The following NBAS variants were observed in gnomAD, a reference collection of about 807,000 sequenced individuals.
The protein encoded by NBAS is NAG/BC035112 fusion.
NBAS carries 219 observed loss-of-function variants against 302.5 expected under a neutral mutation model. The ratio of observed to expected loss-of-function variants is 0.72; its 90% CI spans 0.65 to 0.81. The LOEUF is 0.81. Ranked by LOEUF, NBAS falls within the 30% of genes least tolerant of loss-of-function variation. The pLI, the probability that NBAS is intolerant of heterozygous loss-of-function variation, is 0.00. For missense variants in NBAS, 2,932 were observed against 2,841.6 expected (o/e 1.03, Z -0.72); for synonymous variants, 1,118 against 1,021.6 (o/e 1.09, Z -1.80).
At chr2:15,496,335 T>C (rs1245239300) in intron 11 of NBAS, among the ~76,000 whole-genome samples, 1 of 152,116 alleles carries the variant, frequency 6.6e-6, no homozygotes, top group Non-Finnish European at 1.5e-5. Flanking sequence ...AGATGGAGTG[T>C]TGCAGGTGAT....
the NBAS span, among the ~76,000 whole-genome samples, chr2:14,850,777 A>C: frequency 1.3e-5 from 1 of 74,726 alleles, no homozygotes; most frequent in Non-Finnish European, 2.3e-5. Context: ...TAAGAATCTC[A>C]CTCAAAGCCG....
At chr2:15,200,906 C>CT (rs1453925501) in intron 48 of NBAS, among the ~76,000 whole-genome samples, 1 of 152,102 alleles carries the variant, frequency 6.6e-6, no homozygotes, top group East Asian at 1.9e-4. Flanking sequence ...ATGCATCTTC[C>CT]TACAGGTATT....
rs556722743 is a variant in NBAS, at chr2:15,203,496, C to A, written c.6433-13093G>T. On this transcript the variant is annotated intron_variant, in intron 48 of 51. Coordinates refer to ENST00000281513, the MANE Select transcript of NBAS (RefSeq NM_015909.4). ...TTAACTTTGATGTTAAGTTTTATTC[C>A]AGTTAGAAATTATGCAGGGAGACTT... Among the ~76,000 whole-genome samples, 4 of 152,198 alleles carry A rather than the reference C, an allele frequency of 2.6e-5. No individual in the cohort carries two copies. The East Asian group carries it at 7.7e-4, about 29-fold the overall frequency.
At chr2:15,340,741 C>A (rs73914823) in intron 35 of NBAS, among the ~76,000 whole-genome samples, 10,588 of 152,030 alleles carry the variant, frequency 0.07, 450 homozygotes, top group East Asian at 0.12. Flanking sequence ...GAGGACAAAC[C>A]AGCAAAGACA....
intron 51 of NBAS, among the ~76,000 whole-genome samples, chr2:15,172,374 T>A (rs1363223463): frequency 6.6e-6 from 1 of 152,246 alleles, no homozygotes; most frequent in Non-Finnish European, 1.5e-5. Context: ...GGATTCTCTG[T>A]ATAACTGAAA....
chr2:15,374,865 C>A (rs1674658038), intron 30 of NBAS, 145 bp from the exon 31 acceptor site: 1 of 692,372 alleles, frequency 1.4e-6, no homozygotes, highest in East Asian at 2.8e-5. Flanking sequence ...TTATCTTAAT[C>A]CTCATAGCAA....
At chr2:15,382,212 C>T (rs1446143000) in intron 29 of NBAS, among the ~76,000 whole-genome samples, 20 of 152,158 alleles carry the variant, frequency 1.3e-4, no homozygotes, top group Non-Finnish European at 2.4e-4. Flanking sequence ...CACACGCGTG[C>T]ACGCACACAC....
intron 51 of NBAS, among the ~76,000 whole-genome samples, chr2:15,172,001 T>C (rs1664318326): frequency 6.6e-6 from 1 of 152,226 alleles, no homozygotes; most frequent in African/African-American, 2.4e-5. Flanking sequence ...GTTAGGGTAA[T>C]ATGAGCAAAT....
the NBAS span, among the ~76,000 whole-genome samples, chr2:14,932,992 G>A: frequency 3.9e-5 from 6 of 152,256 alleles, no homozygotes; most frequent in East Asian, 9.6e-4. Context: ...ATTTTTTGAC[G>A]AAAGAAGGAC....
At chr2:15,332,914 A>G (rs1672417966) in intron 35 of NBAS, among the ~76,000 whole-genome samples, 2 of 152,230 alleles carry the variant, frequency 1.3e-5, no homozygotes, top group African/African-American at 4.8e-5. Context: ...TGTTCCACAC[A>G]TGAACTCATT....
intron 44 of NBAS, among the ~76,000 whole-genome samples, chr2:15,267,426 C>A (rs1669128329): frequency 6.6e-6 from 1 of 152,160 alleles, no homozygotes; most frequent in Non-Finnish European, 1.5e-5. Context: ...AGTTTGTGTT[C>A]TCTAACCCTG....
intron 38 of NBAS, among the ~76,000 whole-genome samples, chr2:15,318,083 G>T (rs938374749): frequency 6.6e-6 from 1 of 152,160 alleles, no homozygotes; most frequent in Non-Finnish European, 1.5e-5. Context: ...AAGAGAGTGG[G>T]GGCCAATATT....
chr2:15,379,579 G>A, intron 30 of NBAS, 23 bp downstream of exon 30: 9 of 1,604,556 alleles, frequency 5.6e-6, no homozygotes, highest in Non-Finnish European at 7.7e-6. Flanking sequence ...TCCATCTTAG[G>A]GAAGAATATA....
At chr2:15,082,530 T>C in the NBAS span, among the ~76,000 whole-genome samples, 1 of 152,190 alleles carries the variant, frequency 6.6e-6, no homozygotes, top group Non-Finnish European at 1.5e-5. Flanking sequence ...CCCCAGCTCC[T>C]GACCCAGTTT....
At chr2:14,925,787 A>G in the NBAS span, among the ~76,000 whole-genome samples, 1 of 152,206 alleles carries the variant, frequency 6.6e-6, no homozygotes, top group East Asian at 1.9e-4. Flanking sequence ...TGAGCCCCCA[A>G]AATGCAAGAA....
At chr2:15,436,941 A>G (rs947062559) in intron 21 of NBAS, among the ~76,000 whole-genome samples, 2 of 152,214 alleles carry the variant, frequency 1.3e-5, no homozygotes, top group Non-Finnish European at 2.9e-5. Context: ...TGAAGGAAGA[A>G]TGGATGATTA....
chr2:14,826,352 T>C, the NBAS span, among the ~76,000 whole-genome samples: 7 of 152,244 alleles, frequency 4.6e-5, no homozygotes, highest in African/African-American at 1.7e-4. Flanking sequence ...ACATTGACTT[T>C]TATAACAAAA....
chr2:15,378,100 T>C (rs181562501), intron 30 of NBAS, among the ~76,000 whole-genome samples: 45 of 152,334 alleles, frequency 3.0e-4, no homozygotes, highest in Non-Finnish European at 4.7e-4. Context: ...GAAGAGATTC[T>C]ACCTTTCTTC....
the NBAS span, among the ~76,000 whole-genome samples, chr2:14,989,051 G>C: frequency 6.6e-6 from 1 of 151,984 alleles, no homozygotes; most frequent in East Asian, 1.9e-4. Context: ...TTAAAACATC[G>C]CACATCTTCA....
Sources: allele counts gnomAD v4.1 joint callset (sites outside exome capture counted in the v4.1 genomes callset), GRCh38; gene constraint gnomAD v4.1.1; transcripts MANE v1.5; gene names NCBI Gene and HGNC (gene_info 2026-07-23, HGNC 2026-07-21).